CNTNAP2: variants seen among roughly 807,000 people sequenced by gnomAD.
CNTNAP2 encodes contactin associated protein 2.
In CNTNAP2, 98 loss-of-function variants were observed where a neutral mutation model predicts 155.2. The ratio of observed to expected loss-of-function variants is 0.63; its 90% confidence interval spans 0.54 to 0.75. The LOEUF is 0.75. Ranked by LOEUF, CNTNAP2 falls within the 30% of genes least tolerant of loss-of-function variation. The probability of loss-of-function intolerance (pLI) is 0.00; values close to 1 mark genes in which losing one functional copy is unlikely to be tolerated. For missense variants in CNTNAP2, 1,727 were observed against 1,688.1 expected, an observed-to-expected ratio of 1.02 and a Z score of -0.40; for synonymous variants, 651 against 631.2, an observed-to-expected ratio of 1.03 and a Z score of -0.47.
chr7:148,015,066 T>G (rs1802151879), intron 15 of CNTNAP2, among the ~76,000 whole-genome samples: 1 of 151,278 alleles, frequency 6.6e-6, no homozygotes, highest in African/African-American at 2.4e-5. Context: ...CATGTTTTTT[T>G]GTTTTTGTTT....
At chr7:147,607,899 G>A (rs1239041422) in intron 12 of CNTNAP2, among the ~76,000 whole-genome samples, 3 of 152,132 alleles carry the variant, frequency 2.0e-5, no homozygotes, top group Non-Finnish European at 2.9e-5. Flanking sequence ...ATAATTTGTT[G>A]TAGGTTATAA....
chr7:147,836,847 T>A (rs1179853469), intron 13 of CNTNAP2, among the ~76,000 whole-genome samples: 2 of 152,246 alleles, frequency 1.3e-5, no homozygotes, highest in Admixed American at 6.5e-5. Flanking sequence ...CATATAAAAT[T>A]GAAATTGTAG....
At chr7:147,111,612 T>C (rs866237538) in intron 5 of CNTNAP2, among the ~76,000 whole-genome samples, 4 of 152,240 alleles carry the variant, frequency 2.6e-5, no homozygotes, top group African/African-American at 9.6e-5. Context: ...CAGCACCATT[T>C]ATTCAATGAG....
chr7:148,363,433 ATAT>A (rs1225331342), intron 21 of CNTNAP2, among the ~76,000 whole-genome samples: 4 of 152,220 alleles, frequency 2.6e-5, no homozygotes, highest in African/African-American at 9.6e-5. Flanking sequence ...CAAGACAGTA[ATAT>A]TATTTTTTGA....
chr7:147,312,799 AT>A lies in CNTNAP2; in HGVS notation c.1498+12511del, dbSNP rs1448643351. 1.7e-5 allele frequency among the ~76,000 whole-genome samples: 2 copies of A among 120,416 alleles called. 1 individual carries two copies. Among genetic ancestry groups the A allele is most frequent in the Non-Finnish European group, 3.2e-5 (2 of 62,004 alleles). 79.0% of individuals were successfully genotyped at this position (120,416 alleles called of 152,430 possible). A position where few individuals can be genotyped will look rare whatever the true frequency, so the allele number is the denominator to read the frequency against. ...CCCAGTAATAGGATGGCTGGGTCAA[AT>A]TGTATTTCTAGTTCTAGATCCCTGA... On this transcript the variant is annotated intron_variant, in intron 9 of 23. Transcript: ENST00000361727.
chr7:147,511,914 A>G (rs949205834), intron 11 of CNTNAP2, among the ~76,000 whole-genome samples: 1 of 152,204 alleles, frequency 6.6e-6, no homozygotes, highest in South Asian at 2.1e-4. Flanking sequence ...TACAGGTGCC[A>G]ACGTAAACCT....
intron 9 of CNTNAP2, among the ~76,000 whole-genome samples, chr7:147,376,391 G>C (rs1250474786): frequency 1.3e-5 from 2 of 151,932 alleles, no homozygotes. Context: ...GTAAGAAACA[G>C]TCATCAGGGA....
chr7:147,890,770 A>G (rs74725321), intron 13 of CNTNAP2, among the ~76,000 whole-genome samples: 6,000 of 152,238 alleles, frequency 0.039, 383 homozygotes, highest in African/African-American at 0.14. Context: ...ATAGAATTAG[A>G]GAGTTGAATG....
intron 8 of CNTNAP2, among the ~76,000 whole-genome samples, chr7:147,295,253 ATGTGTGTGTGTGCATGCGTG>A (rs1162816681): frequency 5.3e-5 from 8 of 151,434 alleles, no homozygotes; most frequent in African/African-American, 1.9e-4. Context: ...GTGTGTACCC[ATGTGTGTGTGTGCATGCGTG>A]TGTGTGTGTG....
chr7:148,411,378 G>A (rs7790603), intron 23 of CNTNAP2, among the ~76,000 whole-genome samples: 87,100 of 151,688 alleles, frequency 0.57, 25,683 homozygotes, highest in African/African-American at 0.66. Flanking sequence ...CGATTCTCCT[G>A]CTTCAGCCTC....
At chr7:146,561,211 A>T (rs1798274722) in intron 1 of CNTNAP2, among the ~76,000 whole-genome samples, 1 of 151,982 alleles carries the variant, frequency 6.6e-6, no homozygotes, top group South Asian at 2.1e-4. Flanking sequence ...AAGAGGAACT[A>T]CCCCCTCTAG....
intron 8 of CNTNAP2, among the ~76,000 whole-genome samples, chr7:147,272,355 T>C (rs1420869990): frequency 0.015 from 1 of 66 alleles, no homozygotes; most frequent in Non-Finnish European, 0.033. Context: ...TTTATTTGCA[T>C]GTATACGTAT....
At chr7:146,693,422 T>A (rs1800730808) in intron 1 of CNTNAP2, among the ~76,000 whole-genome samples, 1 of 152,116 alleles carries the variant, frequency 6.6e-6, no homozygotes, top group Non-Finnish European at 1.5e-5. Flanking sequence ...TTACTCTCTA[T>A]ATGTGTTTTG....
intron 13 of CNTNAP2, among the ~76,000 whole-genome samples, chr7:147,778,470 C>T (rs1797619979): frequency 6.6e-6 from 1 of 151,902 alleles, no homozygotes; most frequent in Non-Finnish European, 1.5e-5. Context: ...ATGTTTATGC[C>T]ATGCTAAAAG....
chr7:147,177,022 TAG>T (rs1802363067), intron 8 of CNTNAP2, among the ~76,000 whole-genome samples: 1 of 143,268 alleles, frequency 7.0e-6, no homozygotes, highest in African/African-American at 2.6e-5. Context: ...TAATTCTATA[TAG>T]AATTATATAA....
At chr7:148,162,598 G>T (rs1017670513) in intron 17 of CNTNAP2, among the ~76,000 whole-genome samples, 1 of 152,218 alleles carries the variant, frequency 6.6e-6, no homozygotes, top group Admixed American at 6.5e-5. Flanking sequence ...CATCAAAAAA[G>T]TGTCTTCTCT....
chr7:147,526,518 C>T (rs1799324514), intron 11 of CNTNAP2, among the ~76,000 whole-genome samples: 1 of 152,156 alleles, frequency 6.6e-6, no homozygotes, highest in Non-Finnish European at 1.5e-5. Flanking sequence ...AATATACAAT[C>T]AACTTGAGCA....
At chr7:147,651,988 A>G (rs185212869) in intron 13 of CNTNAP2, among the ~76,000 whole-genome samples, 1 of 152,316 alleles carries the variant, frequency 6.6e-6, no homozygotes, top group Admixed American at 6.5e-5. Context: ...TTCCACTACC[A>G]TGCATCATAA....
intron 1 of CNTNAP2, among the ~76,000 whole-genome samples, chr7:146,507,136 C>T (rs1035618510): frequency 2.6e-5 from 4 of 152,188 alleles, no homozygotes; most frequent in Non-Finnish European, 4.4e-5. Flanking sequence ...ACTTGCTCCC[C>T]AACTATTGGG....
Sources: allele counts gnomAD v4.1 joint callset (sites outside exome capture counted in the v4.1 genomes callset), GRCh38; gene constraint gnomAD v4.1.1; transcripts MANE v1.5; gene names NCBI Gene and HGNC (gene_info 2026-07-23, HGNC 2026-07-21).